Variants in TAFA1 observed in about 807,000 individuals in gnomAD.
TAFA1 encodes the protein chemokine-like protein TAFA-1.
A neutral mutation model predicts 18.5 loss-of-function variants in TAFA1; 4 were observed. That is an observed-to-expected ratio of 0.22 (90% CI 0.11 to 0.49). TAFA1 has a LOEUF of 0.49. Among genes scored for constraint, TAFA1 ranks in the 20% least tolerant of loss-of-function variants. TAFA1 has a pLI of 0.98. For synonymous variants in TAFA1, 56 were observed against 55.2 expected, an observed-to-expected ratio of 1.01 and a Z score of -0.06; for missense variants, 147 against 169.0, an observed-to-expected ratio of 0.87 and a Z score of 0.72.
chr3:68,355,058 G>A (rs1050329442), intron 2 of TAFA1, among the ~76,000 whole-genome samples: 2 of 151,908 alleles, frequency 1.3e-5, no homozygotes, highest in Non-Finnish European at 2.9e-5. Flanking sequence ...TGAAATTTCT[G>A]GACAAGAGCA....
chr3:68,115,886 A>T (rs1425677358), intron 2 of TAFA1, among the ~76,000 whole-genome samples: 1 of 152,240 alleles, frequency 6.6e-6, no homozygotes, highest in East Asian at 1.9e-4. Flanking sequence ...TGTCACCACA[A>T]AACATTTCTG....
intron 2 of TAFA1, among the ~76,000 whole-genome samples, chr3:68,304,878 T>G (rs1398316539): frequency 6.6e-6 from 1 of 152,174 alleles, no homozygotes; most frequent in Non-Finnish European, 1.5e-5. Context: ...TGTGTTTTAG[T>G]GGGCCAGGCA....
intron 3 of TAFA1, among the ~76,000 whole-genome samples, chr3:68,499,372 A>AT (rs2072613883): frequency 7.1e-6 from 1 of 141,010 alleles, no homozygotes; most frequent in Non-Finnish European, 1.6e-5. Context: ...TAGAGAGGGT[A>AT]TTTTTGCTTT....
intron 2 of TAFA1, among the ~76,000 whole-genome samples, chr3:68,184,598 A>G (rs2066247416): frequency 6.6e-6 from 1 of 152,112 alleles, no homozygotes; most frequent in African/African-American, 2.4e-5. Flanking sequence ...TCCCTAAAGC[A>G]GGACTATTGA....
rs542043589 is a variant in TAFA1 at position 68,533,201 on chromosome 3, AAAG to A, written c.260-5547_260-5545del. Among the ~76,000 whole-genome samples the A allele has an allele frequency of 6.7e-3, 1,023 of 152,240 alleles. 10 individuals carry two copies. The highest frequency in any genetic ancestry group is 0.024 in the African/African-American group (986 of 41,534). ...ACATACATAGGACTGGGTAATTTAT[AAAG>A]AAGAAGAGGTTTAATAGACTCACAG... On this transcript the variant is annotated intron_variant, in intron 3 of 4. Transcript: ENST00000478136.
At chr3:68,344,496 C>T (rs1257103137) in intron 2 of TAFA1, among the ~76,000 whole-genome samples, 4 of 152,246 alleles carry the variant, frequency 2.6e-5, no homozygotes, top group South Asian at 4.1e-4. Flanking sequence ...AGAGTACAGA[C>T]GTGTGTGATG....
At chr3:68,379,699 T>C (rs1247974400) in intron 2 of TAFA1, among the ~76,000 whole-genome samples, 1 of 150,460 alleles carries the variant, frequency 6.6e-6, no homozygotes, top group Non-Finnish European at 1.5e-5. Flanking sequence ...TTTTTACATT[T>C]AAGTCTTTAA....
At chr3:68,152,963 C>A (rs772629961) in intron 2 of TAFA1, among the ~76,000 whole-genome samples, 5 of 152,010 alleles carry the variant, frequency 3.3e-5, no homozygotes, top group Non-Finnish European at 5.9e-5. Context: ...GTGGGACCAG[C>A]TGCTTATAAG....
rs114673726 is a variant in TAFA1, at chr3:68,083,978, T to A, written c.118+77234T>A. ...AAAGACTCTTCTTTCCATATTTCCCTATTTAAATGTCAGAGAGTGAAAATC... is the reference window on the plus strand; with the variant it reads ...AAAGACTCTTCTTTCCATATTTCCCAATTTAAATGTCAGAGAGTGAAAATC... On this transcript the variant is annotated intron_variant, in intron 2 of 4. Transcript: ENST00000478136. Among the ~76,000 whole-genome samples, 578 of 152,328 alleles carry A rather than the reference T, an allele frequency of 3.8e-3. 1 individual carries two copies. Among genetic ancestry groups the A allele is most frequent in the African/African-American group, 0.013 (556 of 41,572 alleles).
At chr3:68,105,916 C>T (rs2065197906) in intron 2 of TAFA1, among the ~76,000 whole-genome samples, 1 of 152,084 alleles carries the variant, frequency 6.6e-6, no homozygotes, top group Non-Finnish European at 1.5e-5. Flanking sequence ...ATGTCAGAAA[C>T]TGGTGTTGGC....
intron 2 of TAFA1, among the ~76,000 whole-genome samples, chr3:68,081,265 C>A (rs938991168): frequency 4.1e-4 from 63 of 152,052 alleles, no homozygotes; most frequent in African/African-American, 1.5e-3. Context: ...TGAATGTCCT[C>A]CCATAGCTCA....
At chr3:68,073,391 C>A (rs894079274) in intron 2 of TAFA1, among the ~76,000 whole-genome samples, 4 of 152,234 alleles carry the variant, frequency 2.6e-5, no homozygotes, top group African/African-American at 7.2e-5. Flanking sequence ...GAGCAATGGG[C>A]TTCTTCAGTG....
intron 2 of TAFA1, among the ~76,000 whole-genome samples, chr3:68,186,633 T>C (rs1295597239): frequency 1.3e-5 from 2 of 152,080 alleles, no homozygotes; most frequent in Admixed American, 1.3e-4. Context: ...GATAAGATTA[T>C]TGTTGATTCT....
At chr3:68,259,812 G>C (rs1233220192) in intron 2 of TAFA1, among the ~76,000 whole-genome samples, 4 of 151,974 alleles carry the variant, frequency 2.6e-5, no homozygotes, top group African/African-American at 4.8e-5. Flanking sequence ...TGCTGAAGTT[G>C]CTTATCAGCT....
intron 2 of TAFA1, among the ~76,000 whole-genome samples, chr3:68,416,969 T>G (rs992917431): frequency 6.6e-6 from 1 of 152,170 alleles, no homozygotes; most frequent in Non-Finnish European, 1.5e-5. Context: ...AATATGCATT[T>G]AAATCAGGCA....
At chr3:68,116,565 C>T (rs1226462412) in intron 2 of TAFA1, among the ~76,000 whole-genome samples, 2 of 152,126 alleles carry the variant, frequency 1.3e-5, no homozygotes, top group Non-Finnish European at 2.9e-5. Context: ...GGTTGTTTGA[C>T]CAGAGGTCTC....
intron 2 of TAFA1, among the ~76,000 whole-genome samples, chr3:68,273,537 T>C (rs934640504): frequency 2.0e-5 from 3 of 152,174 alleles, no homozygotes; most frequent in Non-Finnish European, 4.4e-5. Flanking sequence ...CAGGTAAGAT[T>C]ACCAAGGTAA....
At chr3:68,409,592 T>C (rs2070674372) in intron 2 of TAFA1, among the ~76,000 whole-genome samples, 1 of 152,182 alleles carries the variant, frequency 6.6e-6, no homozygotes, top group Non-Finnish European at 1.5e-5. Context: ...TGTGAGTCAG[T>C]TAAACCTCTT....
chr3:68,207,898 C>T (rs1388495), intron 2 of TAFA1, among the ~76,000 whole-genome samples: 47,871 of 151,648 alleles, frequency 0.32, 7,975 homozygotes, highest in East Asian at 0.62. Context: ...AAATAAAGAA[C>T]GCTTCCTTTT....
Sources: allele counts gnomAD v4.1 joint callset (sites outside exome capture counted in the v4.1 genomes callset), GRCh38; gene constraint gnomAD v4.1.1; transcripts MANE v1.5; gene names NCBI Gene and HGNC (gene_info 2026-07-23, HGNC 2026-07-21).